NLRP13: variants seen among roughly 807,000 people sequenced by gnomAD.
NLRP13 encodes NACHT, LRR and PYD domains-containing protein 13.
In NLRP13, 82 loss-of-function variants were observed where a neutral mutation model predicts 94.4. The ratio of observed to expected loss-of-function variants is 0.87; its 90% CI spans 0.73 to 1.04. NLRP13 has a LOEUF of 1.04. Ranked by LOEUF, NLRP13 falls within the 50% of genes least tolerant of loss-of-function variation. The probability of loss-of-function intolerance (pLI) is 0.00; values close to 1 mark genes in which losing one functional copy is unlikely to be tolerated. For missense variants in NLRP13, 1,426 were observed against 1,230.8 expected (o/e 1.16, Z -2.37); for synonymous variants, 553 against 464.7 (o/e 1.19, Z -2.45).
In NLRP13 at chr19:55,932,049, A is replaced by G; in HGVS notation, c.263T>C (p.Ile88Thr). The change falls in exon 1 of 11, where the codon ATC (isoleucine) becomes ACC (threonine). Residue 88 changes from isoleucine to threonine, a missense_variant. Physicochemically the swap from Ile to Thr is moderately conservative, Grantham distance 89. Transcript: ENST00000342929. The part of the protein sequence containing the change: ...KGQAWKVVLG[I>T]FQTMNLTSLC... ...TGAGGTCAGATTCATTGTCTGGAAG[A>G]TGCCGAGGACCACTTTCCATGCCTG... 1 of 1,614,102 alleles carries G rather than the reference A, an allele frequency of 6.2e-7. No homozygotes were observed. Among genetic ancestry groups the G allele is most frequent in the Non-Finnish European group, 8.5e-7 (1 of 1,180,030 alleles).
At chr19:55,900,067 T>C (rs1037683871) in intron 9 of NLRP13, among the ~76,000 whole-genome samples, 1 of 152,140 alleles carries the variant, frequency 6.6e-6, no homozygotes, top group Non-Finnish European at 1.5e-5. Context: ...CACAAAAAAT[T>C]GTTAAGTATT....
chr19:55,913,553 A>AAAAAAAAAAAAAAAAAAG, intron 4 of NLRP13, among the ~76,000 whole-genome samples: 1 of 120,094 alleles, frequency 8.3e-6, no homozygotes, highest in Non-Finnish European at 1.8e-5. Flanking sequence ...CGTCTCAAAA[A>AAAAAAAAAAAAAAAAAAG]AAAAAAAAAA....
chr19:55,907,052 G>A (rs1009700626), intron 7 of NLRP13, among the ~76,000 whole-genome samples: 2 of 152,042 alleles, frequency 1.3e-5, no homozygotes, highest in Non-Finnish European at 2.9e-5. Context: ...CTCCGCTCCC[G>A]GGTTCAAGCG....
intron 6 of NLRP13, 123 bp downstream of exon 6, chr19:55,910,440 T>G: frequency 1.1e-6 from 1 of 912,582 alleles, no homozygotes; most frequent in Non-Finnish European, 1.6e-6. Context: ...CAAGCACAGT[T>G]TATTTTATCC....
At position 55,912,805 on chromosome 19, in the gene NLRP13, C is replaced by A. The variant is rs769146950; in HGVS notation, c.1012G>T (p.Glu338Ter). The change falls in exon 5 of 11, where the codon GAG (glutamate) becomes TAG (stop). Residue 338 changes from glutamate (E) to a stop codon, truncating the protein, a stop_gained. Transcript: ENST00000342929. LOFTEE classifies it high-confidence loss of function. ...DGSPCTDWYQ[E>*]LPVTKILHSL... Reference sequence around the variant, plus strand: ...TGTAGGATTTTGGTCACTGGGAGCTCCTGGTACCAGTCTGTACATGGCGAG... The same window carrying A: ...TGTAGGATTTTGGTCACTGGGAGCTACTGGTACCAGTCTGTACATGGCGAG... The A allele has an allele frequency of 1.2e-6, 2 of 1,613,976 alleles. No individual in the cohort carries two copies. Among genetic ancestry groups the A allele is most frequent in the African/African-American group, 2.7e-5 (2 of 74,874 alleles).
chr19:55,923,515 C>A (rs1297497146), intron 4 of NLRP13, among the ~76,000 whole-genome samples: 1 of 152,130 alleles, frequency 6.6e-6, no homozygotes, highest in Admixed American at 6.5e-5. Flanking sequence ...GGAAGGGGCA[C>A]CACCATGTGA....
downstream of NLRP13, among the ~76,000 whole-genome samples, chr19:55,892,534 G>A (rs529994209): frequency 6.6e-6 from 1 of 152,106 alleles, no homozygotes; most frequent in Non-Finnish European, 1.5e-5. Flanking sequence ...CGATTCTCCT[G>A]CCTTAGGCTC....
rs1986522605 is a variant in NLRP13, at chr19:55,911,838, T to G, written c.1979A>C (p.Glu660Ala). 6.2e-7 allele frequency: 1 copy of G among 1,614,188 alleles called. No homozygotes were observed. The highest frequency in any genetic ancestry group is 8.5e-7 in the Non-Finnish European group (1 of 1,180,030). The change falls in exon 5 of 11, where the codon GAA becomes GCA. Residue 660 changes from glutamate to alanine, a missense_variant. Transcript: ENST00000342929. ...FTKKMLGRIF[E>A]VDLNILEDEE... Reference sequence around the variant, plus strand: ...GTCCTCCAAAATATTAAGGTCAACTTCAAAGATACGACCCAACATCTTCTT... The same window carrying G: ...GTCCTCCAAAATATTAAGGTCAACTGCAAAGATACGACCCAACATCTTCTT...
chr19:55,922,308 T>C (rs191821082), intron 4 of NLRP13, among the ~76,000 whole-genome samples: 10 of 152,134 alleles, frequency 6.6e-5, no homozygotes, highest in Admixed American at 5.2e-4. Context: ...AGGTTTTTTT[T>C]TTATTGTTGT....
rs302835 is a variant in NLRP13, at chr19:55,902,217, A to G, written c.2619-12T>C. 0.88 allele frequency: 1,422,652 copies of G among 1,612,180 alleles called. 628,648 individuals are homozygous for G. Among genetic ancestry groups the G allele is most frequent in the East Asian group, 0.97 (43,332 of 44,788 alleles). Reference sequence around the variant, plus strand: ...GGCAAAACCAGAGCCTGCAGGGTGAAAGCCACAGAGATGGACACTCAGGGA... The same window carrying G: ...GGCAAAACCAGAGCCTGCAGGGTGAGAGCCACAGAGATGGACACTCAGGGA... On this transcript the variant is annotated splice_polypyrimidine_tract_variant and intron_variant, in intron 8 of 10. Transcript: ENST00000342929.
Position 55,913,218 on chromosome 19 carries a change from T to C in NLRP13, c.599A>G (p.Asp200Gly). 1 of 1,614,066 alleles carries C rather than the reference T, an allele frequency of 6.2e-7. No individual in the cohort carries two copies. ...TGATGTATTACGGATATATACGTGG[T>C]CTTTAGGCCAACTGATGTTGTCCCA... ...ETWDNISWPK[D>G]HVYIRNTSKD... Residue 200 changes from aspartate to glycine, a missense_variant, in exon 5 of 11, where the codon GAC becomes GGC. Asp to Gly is a moderately conservative substitution (Grantham distance 94). Transcript: ENST00000342929.
Position 55,909,820 on chromosome 19 carries a change from G to A in NLRP13, c.2282+743C>T, listed in dbSNP as rs116081419. 4.2e-3 allele frequency among the ~76,000 whole-genome samples: 643 copies of A among 152,234 alleles called. 10 individuals are homozygous for A. The highest frequency in any genetic ancestry group is 0.015 in the African/African-American group (624 of 41,522). On this transcript the variant is annotated intron_variant, in intron 6 of 10. Transcript: ENST00000342929. ...TTCTCCTCATGGTGCCTTCTATCTCGTTTTCTTGGCTTGGAATGCTCTTTT... is the reference window on the plus strand; with the variant it reads ...TTCTCCTCATGGTGCCTTCTATCTCATTTTCTTGGCTTGGAATGCTCTTTT...
Position 55,905,069 on chromosome 19 carries a change from C to T in NLRP13, c.2491G>A (p.Ala831Thr). 1.2e-6 allele frequency: 2 copies of T among 1,613,778 alleles called. No individual in the cohort carries two copies. The highest frequency in any genetic ancestry group is 1.7e-6 in the Non-Finnish European group (2 of 1,179,936). The change falls in exon 8 of 11, where the codon GCC (alanine) becomes ACC (threonine). Residue 831 changes from alanine to threonine, a missense_variant. By Grantham distance (58) the Ala-to-Thr change is moderately conservative (BLOSUM62 0). Transcript: ENST00000342929. ...NLSAASCQDL[A>T]LFLTSIQHVT... ...TGTTGGATGCTGGTGAGAAACAAGG[C>T]TAGGTCCTGACAGCTGGCTGCCGAC...
intron 1 of NLRP13, among the ~76,000 whole-genome samples, chr19:55,931,291 C>A (rs2840020): frequency 6.6e-6 from 1 of 151,678 alleles, no homozygotes; most frequent in Non-Finnish European, 1.5e-5. Flanking sequence ...GGGGGCAGGG[C>A]GGGGGTTGTT....
In NLRP13 at chr19:55,911,643, G is replaced by T; in HGVS notation, c.2111+63C>A. 2.8e-6 allele frequency: 4 copies of T among 1,451,474 alleles called. No homozygotes were observed. The South Asian group carries it at 5.5e-5, about 20-fold the overall frequency. 89.9% of individuals were successfully genotyped at this position (1,451,474 alleles called of 1,614,324 possible). On this transcript the variant is annotated intron_variant, in intron 5 of 10. Transcript: ENST00000342929. ...AACACATCCCTGGTTTTGCATGAAA[G>T]AATTTGCACAGAGCCTGAGAAAACA... is the stretch of plus-strand genomic sequence containing the variant.
chr19:55,901,303 G>A (rs1241984754), intron 9 of NLRP13, among the ~76,000 whole-genome samples: 1 of 152,200 alleles, frequency 6.6e-6, no homozygotes, highest in East Asian at 1.9e-4. Context: ...TCCTGACCCC[G>A]TGCCCTTTCC....
At chr19:55,924,084 G>C in intron 3 of NLRP13, 105 bp from the exon 4 acceptor site, 1 of 841,444 alleles carries the variant, frequency 1.2e-6, no homozygotes, top group Non-Finnish European at 2.0e-6. Context: ...GCAAACTTGA[G>C]AGTGAAGAGA....
In NLRP13 at chr19:55,905,043, G is replaced by C. The variant is rs28506091; in HGVS notation, c.2517C>G (p.His839Gln). The part of the protein sequence containing the change: ...DLALFLTSIQ[H>Q]VTRLCLGFNR... ...TAAATCCCAGGCACAATCGAGTTAC[G>C]TGTTGGATGCTGGTGAGAAACAAGG... The change falls in exon 8 of 11, where the codon CAC (histidine) becomes CAG (glutamine). Residue 839 changes from histidine (H) to glutamine (Q), a missense_variant. Transcript: ENST00000342929. 10 of 1,613,540 alleles carry C rather than the reference G, an allele frequency of 6.2e-6. No homozygotes were observed. The highest frequency in any genetic ancestry group is 2.2e-5 in the South Asian group (2 of 91,052).
chr19:55,926,674 C>T (rs542764244), intron 1 of NLRP13, among the ~76,000 whole-genome samples: 1 of 152,232 alleles, frequency 6.6e-6, no homozygotes, highest in African/African-American at 2.4e-5. Flanking sequence ...CAATGTGGTC[C>T]CTGTTCCCAT....
Sources: allele counts gnomAD v4.1 joint callset (sites outside exome capture counted in the v4.1 genomes callset), GRCh38; gene constraint gnomAD v4.1.1; transcripts MANE v1.5; gene names NCBI Gene and HGNC (gene_info 2026-07-23, HGNC 2026-07-21).